The following NAALADL2 variants were observed in gnomAD, a reference collection of about 807,000 sequenced individuals.
NAALADL2 encodes the protein N-acetylated alpha-linked acidic dipeptidase like 2.
A neutral mutation model predicts 87.2 loss-of-function variants in NAALADL2; 76 were observed. The observed-to-expected ratio is 0.87, with a 90% confidence interval of 0.72 to 1.05. The LOEUF is 1.05. Ranked by LOEUF, NAALADL2 falls within the 50% of genes least tolerant of loss-of-function variation. The pLI, the probability that NAALADL2 is intolerant of heterozygous loss-of-function variation, is 0.00. For synonymous variants in NAALADL2, 354 were observed against 331.0 expected (o/e 1.07, Z -0.75); for missense variants, 1,089 against 945.8 (o/e 1.15, Z -1.99).
intron 3 of NAALADL2, among the ~76,000 whole-genome samples, chr3:174,843,301 A>G (rs749016706): frequency 1.3e-5 from 2 of 151,990 alleles, no homozygotes; most frequent in East Asian, 1.9e-4. Context: ...CTCTGCTTCC[A>G]TAATAGCAAC....
In NAALADL2 at chr3:174,523,733, A is replaced by G. The variant is rs1488977674; in HGVS notation, c.-183-26836A>G. ...AGGCTTTCTGCTGCCTACCTCATCC[A>G]TGGGGATATGTCTTTTTCCTTATTT... On this transcript the variant is annotated intron_variant, in intron 1 of 3. Coordinates refer to the NAALADL2 transcript ENST00000434257. Among the ~76,000 whole-genome samples the G allele has an allele frequency of 5.3e-5, 8 of 152,308 alleles. No individual in the cohort carries two copies. The East Asian group carries it at 1.5e-3, about 29-fold the overall frequency.
At chr3:174,927,636 A>G (rs1471249352) in intron 1 of NAALADL2, among the ~76,000 whole-genome samples, 1 of 152,218 alleles carries the variant, frequency 6.6e-6, no homozygotes, top group Non-Finnish European at 1.5e-5. Flanking sequence ...TGAAGGCAGA[A>G]ATAAAGATGT....
intron 3 of NAALADL2, among the ~76,000 whole-genome samples, chr3:175,236,418 AG>A (rs764207134): frequency 1.3e-5 from 2 of 151,772 alleles, no homozygotes; most frequent in Non-Finnish European, 2.9e-5. Context: ...GCCCGGTGGC[AG>A]GCTCCTGTAA....
At chr3:175,392,717 T>C (rs889827565) in intron 5 of NAALADL2, among the ~76,000 whole-genome samples, 3 of 152,134 alleles carry the variant, frequency 2.0e-5, no homozygotes, top group Non-Finnish European at 2.9e-5. Flanking sequence ...AACTTTGGAA[T>C]GAAAACCAAT....
At chr3:175,067,272 C>T (rs1388195243) in intron 1 of NAALADL2, among the ~76,000 whole-genome samples, 2 of 152,100 alleles carry the variant, frequency 1.3e-5, no homozygotes, top group Admixed American at 6.6e-5. Context: ...AGAGCTTTGG[C>T]ACCGCAAAAG....
chr3:175,477,715 G>A (rs929238361), intron 9 of NAALADL2, among the ~76,000 whole-genome samples: 1 of 152,090 alleles, frequency 6.6e-6, no homozygotes, highest in African/African-American at 2.4e-5. Flanking sequence ...TGCAAAAAAT[G>A]TGGAAAACAA....
intron 1 of NAALADL2, among the ~76,000 whole-genome samples, chr3:174,966,262 C>T (rs1418810501): frequency 6.6e-6 from 1 of 152,118 alleles, no homozygotes; most frequent in African/African-American, 2.4e-5. Context: ...GATTTTCTCC[C>T]TCGGCCTGTC....
At chr3:175,071,868 A>C (rs1295976092) in intron 1 of NAALADL2, among the ~76,000 whole-genome samples, 1 of 152,070 alleles carries the variant, frequency 6.6e-6, no homozygotes, top group Non-Finnish European at 1.5e-5. Context: ...GTGACTTCTT[A>C]AGTCTGGTCC....
At chr3:175,213,162 A>C (rs1742017544) in intron 2 of NAALADL2, among the ~76,000 whole-genome samples, 2 of 152,208 alleles carry the variant, frequency 1.3e-5, no homozygotes, top group African/African-American at 4.8e-5. Flanking sequence ...AAGAGGCTAA[A>C]TAACTTGTCC....
At chr3:175,455,497 C>G (rs1722195034) in intron 6 of NAALADL2, among the ~76,000 whole-genome samples, 1 of 151,946 alleles carries the variant, frequency 6.6e-6, no homozygotes, top group African/African-American at 2.4e-5. Flanking sequence ...TATTTTTTCT[C>G]ATATTCGTAT....
rs114114117 is a variant in NAALADL2 at position 175,214,738 on chromosome 3, A to G, written c.546-19193A>G. The stretch of plus-strand genomic sequence containing the variant: ...CATTCCTACTAAACTGGGTAACTTT[A>G]ATTGTGCCAATATTTTAACAAAATG... On this transcript the variant is annotated intron_variant, in intron 2 of 13. Transcript: ENST00000454872. Among the ~76,000 whole-genome samples the G allele has an allele frequency of 7.7e-3, 1,169 of 152,262 alleles. 20 individuals carry two copies. The highest frequency in any genetic ancestry group is 0.027 in the African/African-American group (1,123 of 41,554).
intron 1 of NAALADL2, among the ~76,000 whole-genome samples, chr3:174,965,531 AT>A: frequency 6.6e-6 from 1 of 152,220 alleles, no homozygotes; most frequent in South Asian, 2.1e-4. Flanking sequence ...TATTGTGAGA[AT>A]TTTTTTGATA....
chr3:175,090,489 C>A (rs575930342), intron 1 of NAALADL2, among the ~76,000 whole-genome samples: 1 of 151,958 alleles, frequency 6.6e-6, no homozygotes, highest in South Asian at 2.1e-4. Context: ...TTGGCCTACT[C>A]GGGGAACTAG....
intron 2 of NAALADL2, among the ~76,000 whole-genome samples, chr3:174,583,839 A>C (rs1357336403): frequency 1.3e-5 from 2 of 152,166 alleles, no homozygotes; most frequent in African/African-American, 4.8e-5. Context: ...AAAGCGGAAT[A>C]ATTTTCCATA....
chr3:175,385,164 T>TA (rs1417615913), intron 5 of NAALADL2, among the ~76,000 whole-genome samples: 2 of 152,108 alleles, frequency 1.3e-5, no homozygotes, highest in Admixed American at 6.6e-5. Flanking sequence ...CACATTTGTC[T>TA]AAATGAAGGC....
chr3:174,556,384 G>T (rs1712822935), intron 2 of NAALADL2, among the ~76,000 whole-genome samples: 1 of 152,026 alleles, frequency 6.6e-6, no homozygotes, highest in Non-Finnish European at 1.5e-5. Flanking sequence ...TTTTGCCTTA[G>T]ATTTTCGACG....
intron 2 of NAALADL2, among the ~76,000 whole-genome samples, chr3:174,651,392 TA>T (rs1301496796): frequency 6.6e-6 from 1 of 152,170 alleles, no homozygotes; most frequent in African/African-American, 2.4e-5. Flanking sequence ...CTACCTGTAG[TA>T]AAGTCTGTTT....
chr3:175,537,881 G>T (rs1417865146), intron 9 of NAALADL2, among the ~76,000 whole-genome samples: 1 of 152,116 alleles, frequency 6.6e-6, no homozygotes, highest in Non-Finnish European at 1.5e-5. Flanking sequence ...AATCTGAAAT[G>T]TTAGACTTCT....
rs558252449 is a variant in NAALADL2, at chr3:175,619,974, A to G, written c.1801-7317A>G. The stretch of plus-strand genomic sequence containing the variant: ...CCCGAGGGGTGATGGAGAATTGACA[A>G]AGTCCTCCCCAGCAAGCCTCTCCTC... On this transcript the variant is annotated intron_variant, in intron 10 of 13. Transcript: ENST00000454872. Among the ~76,000 whole-genome samples, 8 of 152,140 alleles carry G rather than the reference A, an allele frequency of 5.3e-5. No individual in the cohort carries two copies. In the South Asian group the frequency reaches 1.0e-3, roughly 20 times the overall value.
Sources: gnomAD v4.1 joint callset for allele counts (sites outside exome capture counted in the v4.1 genomes callset) on GRCh38, gnomAD v4.1.1 for gene constraint, MANE v1.5 for transcripts, NCBI Gene and HGNC (gene_info 2026-07-23, HGNC 2026-07-21) for gene names.